CPS1: variants seen among roughly 807,000 people sequenced by gnomAD.
CPS1 encodes the protein carbamoyl-phosphate synthase [ammonia], mitochondrial.
Under a neutral mutation model 174.6 loss-of-function variants are expected in CPS1, and 109 were observed. The observed-to-expected ratio is 0.62, with a 90% CI of 0.53 to 0.73. The LOEUF is 0.73. Ranked by LOEUF, CPS1 falls within the 30% of genes least tolerant of loss-of-function variation. The pLI is 0.00. For missense variants in CPS1, 1,689 were observed against 1,821.9 expected, an observed-to-expected ratio of 0.93 and a Z score of 1.33; for synonymous variants, 637 against 632.0, an observed-to-expected ratio of 1.01 and a Z score of -0.12.
chr2:210,498,897 T>C (rs1435135931), intron 1 of CPS1, among the ~76,000 whole-genome samples: 2 of 152,094 alleles, frequency 1.3e-5, no homozygotes, highest in Non-Finnish European at 2.9e-5. Flanking sequence ...CTTGGAGATA[T>C]GCCTGTGCAT....
intron 1 of CPS1, among the ~76,000 whole-genome samples, chr2:210,527,797 G>T (rs924378225): frequency 2.0e-5 from 3 of 151,740 alleles, no homozygotes; most frequent in Non-Finnish European, 4.4e-5. Context: ...ATTAAAAAAG[G>T]CTGAAAAATA....
chr2:210,605,896 G>A (rs1009985243), intron 17 of CPS1, among the ~76,000 whole-genome samples: 1 of 151,798 alleles, frequency 6.6e-6, no homozygotes, highest in East Asian at 1.9e-4. Flanking sequence ...TGAACTCTGG[G>A]AAACATTTAG....
intron 25 of CPS1, among the ~76,000 whole-genome samples, chr2:210,647,323 G>T (rs867521877): frequency 6.6e-6 from 1 of 152,170 alleles, no homozygotes; most frequent in South Asian, 2.1e-4. Flanking sequence ...GAGCTGAGAG[G>T]GGTGATAATA....
At chr2:210,645,908 G>T (rs1455770565) in intron 25 of CPS1, among the ~76,000 whole-genome samples, 1 of 152,094 alleles carries the variant, frequency 6.6e-6, no homozygotes, top group Admixed American at 6.5e-5. Flanking sequence ...GATAGTCCAG[G>T]ATACATAGTA....
intron 1 of CPS1, among the ~76,000 whole-genome samples, chr2:210,504,312 C>T (rs72934328): frequency 0.072 from 10,894 of 152,210 alleles, 548 homozygotes; most frequent in Non-Finnish European, 0.1. Context: ...ACCCCACAAA[C>T]AATGCAAAAT....
intron 19 of CPS1, among the ~76,000 whole-genome samples, chr2:210,611,160 C>G (rs1699106548): frequency 6.6e-6 from 1 of 151,800 alleles, no homozygotes; most frequent in Non-Finnish European, 1.5e-5. Context: ...TAAATTTTCC[C>G]TTATTTCTAA....
chr2:210,666,104 T>G (rs1443143057), intron 33 of CPS1, among the ~76,000 whole-genome samples: 43 of 152,028 alleles, frequency 2.8e-4, no homozygotes, highest in Non-Finnish European at 5.9e-4. Flanking sequence ...TCATGTGTCT[T>G]TTGGCTGCAT....
At chr2:210,613,712 ACT>A (rs1308919821) in intron 20 of CPS1, among the ~76,000 whole-genome samples, 1 of 151,892 alleles carries the variant, frequency 6.6e-6, no homozygotes, top group Non-Finnish European at 1.5e-5. Context: ...AAGCTGTAAA[ACT>A]CAAGCAAATC....
intron 1 of CPS1, among the ~76,000 whole-genome samples, chr2:210,572,784 G>A (rs1697547541): frequency 6.6e-6 from 1 of 151,976 alleles, no homozygotes; most frequent in Non-Finnish European, 1.5e-5. Flanking sequence ...CATGGAAAGG[G>A]CAACCCTTGG....
chr2:210,663,686 TA>T (rs1161848153), intron 33 of CPS1, among the ~76,000 whole-genome samples: 1 of 152,150 alleles, frequency 6.6e-6, no homozygotes, highest in Non-Finnish European at 1.5e-5. Flanking sequence ...GGGGATTATC[TA>T]AAAACTATAA....
chr2:210,523,031 G>T (rs1695869734), intron 1 of CPS1, among the ~76,000 whole-genome samples: 1 of 152,008 alleles, frequency 6.6e-6, no homozygotes, highest in Non-Finnish European at 1.5e-5. Context: ...AATAAGAAAA[G>T]AACTGAATTA....
intron 33 of CPS1, among the ~76,000 whole-genome samples, chr2:210,666,214 T>C (rs2105930115): frequency 6.6e-6 from 1 of 151,128 alleles, no homozygotes; most frequent in East Asian, 1.9e-4. Context: ...TCATTGTAGA[T>C]TCTGGATATT....
chr2:210,515,566 T>C (rs1695660053), intron 1 of CPS1, among the ~76,000 whole-genome samples: 1 of 151,778 alleles, frequency 6.6e-6, no homozygotes, highest in Admixed American at 6.6e-5. Flanking sequence ...TTGTTGTTTC[T>C]GATTGTGCTT....
chr2:210,575,784 A>G (rs1347015762), intron 2 of CPS1, among the ~76,000 whole-genome samples: 2 of 152,250 alleles, frequency 1.3e-5, no homozygotes, highest in South Asian at 2.1e-4. Flanking sequence ...TTATTCTTTC[A>G]TATAAATTAA....
chr2:210,478,201 T>C (rs12464878), intron 1 of CPS1, among the ~76,000 whole-genome samples: 64,256 of 152,104 alleles, frequency 0.42, 15,189 homozygotes, highest in East Asian at 0.61. Context: ...TTATATTCCC[T>C]CTAACAGTAT....
At position 210,678,343 on chromosome 2, in the gene CPS1, A is replaced by C; in HGVS notation, c.*358A>C. ...ATTTTCTGAACTCTTTCTATACTTT[A>C]AGATACTCTATTTTTAAAACACTAT... is the stretch of plus-strand genomic sequence containing the variant. On this transcript the variant is annotated 3_prime_UTR_variant, in exon 38 of 38. Transcript: ENST00000233072. 3.2e-6 allele frequency: 1 copy of C among 315,628 alleles called. No homozygotes were observed. Among genetic ancestry groups the C allele is most frequent in the South Asian group, 3.1e-5 (1 of 32,618 alleles). The allele number at this position is 315,628 out of a possible 1,614,324, so 19.6% of individuals were successfully genotyped here.
At chr2:210,571,392 T>C (rs1391550448) in intron 1 of CPS1, among the ~76,000 whole-genome samples, 1 of 151,866 alleles carries the variant, frequency 6.6e-6, no homozygotes, top group Non-Finnish European at 1.5e-5. Context: ...ACACATAAAA[T>C]GTACAGTAGA....
At chr2:210,615,701 C>T (rs999525614) in intron 20 of CPS1, among the ~76,000 whole-genome samples, 2 of 151,698 alleles carry the variant, frequency 1.3e-5, no homozygotes, top group Non-Finnish European at 2.9e-5. Flanking sequence ...GCTTAATGAC[C>T]CATAGTTGTA....
intron 6 of CPS1, among the ~76,000 whole-genome samples, chr2:210,583,178 T>G (rs547572459): frequency 6.6e-6 from 1 of 152,154 alleles, no homozygotes; most frequent in Admixed American, 6.6e-5. Flanking sequence ...TGTTATAGCT[T>G]TGTTTCAAAA....
Sources: gnomAD v4.1 joint callset for allele counts (sites outside exome capture counted in the v4.1 genomes callset) on GRCh38, gnomAD v4.1.1 for gene constraint, MANE v1.5 for transcripts, NCBI Gene and HGNC (gene_info 2026-07-23, HGNC 2026-07-21) for gene names.